The following C1orf159 variants were observed in gnomAD, a reference collection of about 807,000 sequenced individuals.
C1orf159 encodes the protein uncharacterized protein C1orf159.
A neutral mutation model predicts 25.6 loss-of-function variants in C1orf159; 19 were observed. The ratio of observed to expected loss-of-function variants is 0.74; its 90% CI spans 0.52 to 1.09. The LOEUF (loss-of-function observed/expected upper bound fraction) is 1.09, where lower values mean the gene tolerates loss of function less well. Among genes scored for constraint, C1orf159 ranks in the 50% least tolerant of loss-of-function variants. The probability of loss-of-function intolerance (pLI) is 0.00; values close to 1 mark genes in which losing one functional copy is unlikely to be tolerated. For synonymous variants in C1orf159, 139 were observed against 124.7 expected, an observed-to-expected ratio of 1.12 and a Z score of -0.77; for missense variants, 274 against 290.6, an observed-to-expected ratio of 0.94 and a Z score of 0.42.
intron 1 of C1orf159, among the ~76,000 whole-genome samples, chr1:1,094,420 TTTGAA>T (rs891281851): frequency 2.1e-4 from 32 of 151,570 alleles, no homozygotes; most frequent in African/African-American, 6.8e-4. Context: ...TCTTTTTTTT[TTTGAA>T]TTGGAGTCTC....
chr1:1,090,574 T>A, intron 3 of C1orf159, 146 bp from the exon 4 acceptor site: 1 of 853,650 alleles, frequency 1.2e-6, no homozygotes, highest in Non-Finnish European at 1.8e-6. Flanking sequence ...GGTGGCCCTC[T>A]GTCCCCTGTG....
chr1:1,090,159 C>T (rs573831601), intron 4 of C1orf159, among the ~76,000 whole-genome samples, 194 bp downstream of exon 4: 33 of 152,184 alleles, frequency 2.2e-4, no homozygotes, highest in Admixed American at 3.9e-4. Context: ...ATGAGGCTGC[C>T]GCTCAAGGCC....
chr1:1,099,119 G>T (rs111531431), intron 1 of C1orf159, among the ~76,000 whole-genome samples: 22,382 of 118,034 alleles, frequency 0.19, 2,962 homozygotes, highest in African/African-American at 0.44. Flanking sequence ...AATCTCTGAC[G>T]ATGATTGTGG....
chr1:1,091,146 G>A (rs183940959), intron 3 of C1orf159: 215 of 630,232 alleles, frequency 3.4e-4, no homozygotes, highest in East Asian at 5.2e-4. Context: ...TGGAGCCGCC[G>A]CAGCTACACT....
At chr1:1,091,879 A>T in intron 2 of C1orf159, 112 bp downstream of exon 2, 1 of 443,080 alleles carries the variant, frequency 2.3e-6, no homozygotes, top group Non-Finnish European at 4.4e-6. Flanking sequence ...GGGCCGTGGC[A>T]GGGGTGCAGG....
At chr1:1,091,056 G>T in intron 3 of C1orf159, 1 of 1,276,322 alleles carries the variant, frequency 7.8e-7, no homozygotes. Flanking sequence ...CCGCCAGGGA[G>T]GGGCCCAGGT....
intron 6 of C1orf159, among the ~76,000 whole-genome samples, chr1:1,086,900 C>T (rs1281812119): frequency 6.6e-6 from 1 of 152,192 alleles, no homozygotes; most frequent in Admixed American, 6.5e-5. Context: ...GCGGTGTGGC[C>T]ATCAGGGCCT....
Position 1,085,897 on chromosome 1 carries a change from G to A in C1orf159, c.426C>T (p.Ala142=). The A allele has an allele frequency of 1.2e-6, 2 of 1,613,388 alleles. No individual in the cohort carries two copies. The highest frequency in any genetic ancestry group is 1.3e-5 in the African/African-American group (1 of 75,064). Residue 142 remains alanine (A), a synonymous_variant, in exon 7 of 10, where the codon GCC becomes GCT. Coordinates refer to ENST00000421241, the MANE Select transcript of C1orf159 (RefSeq NM_017891.5). ...AGATACCTTTGTTTCTTCTGTAGCA[G>A]GCCCTGGGGAGTTTACTGGAGCGCT... The part of the protein sequence containing the change: ...YLKRSSKLPR[A]CYRRNKAPAL...
intron 1 of C1orf159, among the ~76,000 whole-genome samples, chr1:1,112,924 G>C (rs531613935): frequency 6.6e-6 from 1 of 152,128 alleles, no homozygotes; most frequent in Non-Finnish European, 1.5e-5. Flanking sequence ...GGTGGGGTGC[G>C]GTGGCTCACG....
chr1:1,114,307 G>A (rs1646304019), intron 1 of C1orf159, among the ~76,000 whole-genome samples: 1 of 152,104 alleles, frequency 6.6e-6, no homozygotes, highest in Non-Finnish European at 1.5e-5. Context: ...GCTACCTACT[G>A]TAACGGGCCA....
intron 7 of C1orf159, 137 bp from the exon 8 acceptor site, chr1:1,084,643 C>A (rs1473314251): frequency 8.2e-6 from 9 of 1,103,346 alleles, no homozygotes; most frequent in Non-Finnish European, 1.2e-5. Context: ...CAGCAGAGGC[C>A]CCGGGGCTGC....
intron 1 of C1orf159, among the ~76,000 whole-genome samples, chr1:1,112,960 C>T (rs1272189639): frequency 2.6e-5 from 4 of 152,158 alleles, no homozygotes; most frequent in African/African-American, 9.7e-5. Context: ...CTTTGGGAGG[C>T]TGAGGTGGGT....
chr1:1,115,248 C>G (rs944354706), intron 1 of C1orf159, among the ~76,000 whole-genome samples: 1 of 149,888 alleles, frequency 6.7e-6, no homozygotes, highest in African/African-American at 2.5e-5. Flanking sequence ...CACCCAAACT[C>G]AATCATCGAC....
Position 1,087,562 on chromosome 1 carries a change from T to C in C1orf159, c.184A>G (p.Ser62Gly), listed in dbSNP as rs1191375941. The C allele has an allele frequency of 6.5e-7, 1 of 1,548,832 alleles. No homozygotes were observed. Among genetic ancestry groups the C allele is most frequent in the African/African-American group, 1.4e-5 (1 of 73,004 alleles). ...GTTCCGTTCCCACAGCGGACGCAGC[T>C]GGCGCTCCCGTCCGCGTTCCAGCGC... is the stretch of plus-strand genomic sequence containing the variant. ...YRRWNADGSA[S>G]CVRCGNGTLP... The change falls in exon 5 of 10, where the codon AGC becomes GGC. Residue 62 changes from serine (S) to glycine (G), a missense_variant. Ser to Gly is a moderately conservative substitution (Grantham distance 56). Transcript: ENST00000421241. This position sits in a 1 kb window ranked among gnomAD's most constrained non-coding sequence, Gnocchi z 8.3.
At chr1:1,103,122 C>T (rs550009726) in intron 1 of C1orf159, among the ~76,000 whole-genome samples, 2 of 152,300 alleles carry the variant, frequency 1.3e-5, no homozygotes, top group East Asian at 1.9e-4. Flanking sequence ...GGATTACAGG[C>T]GTGAGCCACC....
intron 3 of C1orf159, chr1:1,090,842 G>A (rs940657836): frequency 6.6e-7 from 1 of 1,511,722 alleles, no homozygotes; most frequent in African/African-American, 1.4e-5. Context: ...AGGTGCCCAG[G>A]TACTGCACAG....
intron 1 of C1orf159, among the ~76,000 whole-genome samples, chr1:1,098,667 G>A (rs955035834): frequency 6.6e-6 from 1 of 152,148 alleles, no homozygotes; most frequent in Admixed American, 6.5e-5. Flanking sequence ...TGCCCAGGCT[G>A]GGGTGCAGTG....
At chr1:1,085,763 CCGGCCTCTGCCAGCCTGCT>C (rs1409858321) in intron 7 of C1orf159, 96 bp downstream of exon 7, 3 of 1,357,858 alleles carry the variant, frequency 2.2e-6, no homozygotes, top group Non-Finnish European at 3.0e-6. Flanking sequence ...CTGCTCCCTC[CCGGCCTCTGCCAGCCTGCT>C]CTGGCCTGGG....
In C1orf159 at chr1:1,110,981, A is replaced by G. The variant is rs1208576471; in HGVS notation, c.-136+5079T>C. Among the ~76,000 whole-genome samples, 1 of 152,252 alleles carries G rather than the reference A, an allele frequency of 6.6e-6. No individual in the cohort carries two copies. The highest frequency in any genetic ancestry group is 2.4e-5 in the African/African-American group (1 of 41,468). Reference sequence around the variant, plus strand: ...CTGCGAGGCAATCTCCATGGATCACAGGCAGATTCTACATCACGACAGGAG... The same window carrying G: ...CTGCGAGGCAATCTCCATGGATCACGGGCAGATTCTACATCACGACAGGAG... On this transcript the variant is annotated intron_variant, in intron 1 of 9. Transcript: ENST00000421241. The surrounding 1 kb of genome is among the most constrained non-coding windows in gnomAD (Gnocchi z 4.8).
Sources: allele counts gnomAD v4.1 joint callset (sites outside exome capture counted in the v4.1 genomes callset), GRCh38; gene constraint gnomAD v4.1.1; non-coding constraint Gnocchi (gnomAD v3.1); transcripts MANE v1.5; gene names NCBI Gene and HGNC (gene_info 2026-07-23, HGNC 2026-07-21).